TXN: variants seen among roughly 807,000 people sequenced by gnomAD.
The protein encoded by TXN is ADF.
In TXN, 10 loss-of-function variants were observed where a neutral mutation model predicts 16.5. The ratio of observed to expected loss-of-function variants is 0.61; its 90% CI spans 0.37 to 1.03. TXN has a LOEUF of 1.03. TXN is among the 50% of genes least tolerant of loss of function. The probability of loss-of-function intolerance (pLI) is 0.01; values close to 1 mark genes in which losing one functional copy is unlikely to be tolerated. For missense variants in TXN, 71 were observed against 122.5 expected, an observed-to-expected ratio of 0.58 and a Z score of 1.98; for synonymous variants, 35 against 39.4, an observed-to-expected ratio of 0.89 and a Z score of 0.42.
chr9:110,252,234 A>T (rs1399375370), intron 1 of TXN, among the ~76,000 whole-genome samples: 1 of 139,534 alleles, frequency 7.2e-6, no homozygotes, highest in African/African-American at 2.8e-5. Context: ...AAAAAAAAAA[A>T]AAAAAAAAAA....
rs377246017 is a variant in TXN, at chr9:110,252,223, C to CAAAAAAAAAAAA, written c.25-773_25-762dup. On this transcript the variant is annotated intron_variant, in intron 1 of 4. Coordinates refer to ENST00000374517, the MANE Select transcript of TXN (RefSeq NM_003329.4). ...TGGGCAATAGACGGAGACTCTGTCG[C>CAAAAAAAAAAAA]AAAAAAAAAAAAAAAAAAAAAAGCT... 4.7e-3 allele frequency among the ~76,000 whole-genome samples: 274 copies of CAAAAAAAAAAAA among 58,344 alleles called. 24 individuals carry two copies. Among genetic ancestry groups the CAAAAAAAAAAAA allele is most frequent in the African/African-American group, 0.022 (239 of 10,854 alleles). 38.3% of individuals were successfully genotyped at this position (58,344 alleles called of 152,430 possible). A position where few individuals can be genotyped will look rare whatever the true frequency, so the allele number is the denominator to read the frequency against.
At position 110,244,196 on chromosome 9, in the gene TXN, A is replaced by G. The variant is rs1179651914; in HGVS notation, c.279T>C (p.Asn93=). Residue 93 remains asparagine, a synonymous_variant, in exon 5 of 5, where the codon AAT becomes AAC. Transcript: ENST00000374517. ...TAATGGTGGCTTCAAGCTTTTCCTT[A>G]TTGGCTCCAGAAAATTCACCCACCT... The part of the protein sequence containing the change: ...GQKVGEFSGA[N]KEKLEATINE... 6.4e-7 allele frequency: 1 copy of G among 1,574,578 alleles called. No individual in the cohort carries two copies. Among genetic ancestry groups the G allele is most frequent in the African/African-American group, 1.4e-5 (1 of 73,250 alleles).
intron 1 of TXN, 63 bp from the exon 2 acceptor site, chr9:110,251,525 A>C (rs1837736562): frequency 5.7e-6 from 5 of 875,720 alleles, no homozygotes; most frequent in Non-Finnish European, 8.6e-6. Context: ...CAAAAGAAAG[A>C]CTCGACACAA....
rs71302631 is a variant in TXN, at chr9:110,249,125, C to CAAAAAAAAA, written c.189+1686_189+1694dup. 5.6e-4 allele frequency among the ~76,000 whole-genome samples: 30 copies of CAAAAAAAAA among 53,850 alleles called. 1 individual carries two copies. Among genetic ancestry groups the CAAAAAAAAA allele is most frequent in the African/African-American group, 1.2e-3 (17 of 14,498 alleles). The allele number at this position is 53,850 out of a possible 152,430, so 35.3% of individuals were successfully genotyped here. A position where few individuals can be genotyped will look rare whatever the true frequency, so the allele number is the denominator to read the frequency against. ...CCAGGTGACAGAGTGAACTCCATCT[C>CAAAAAAAAA]AAAAAAAAAAAAAAAAAAAAAAAAA... On this transcript the variant is annotated intron_variant, in intron 3 of 4. Transcript: ENST00000374517.
chr9:110,250,559 A>G (rs1837719842), intron 3 of TXN, among the ~76,000 whole-genome samples: 1 of 152,220 alleles, frequency 6.6e-6, no homozygotes, highest in African/African-American at 2.4e-5. Flanking sequence ...GTAAAGTAGA[A>G]TGTAGGGTTT....
rs770300484 is a variant in TXN at position 110,251,418 on chromosome 9, T to C, written c.69A>G (p.Val23=). ...EALDAAGDKL[V]VVDFSATWCG... is the part of the protein sequence containing the mutation. ...ACCACGTGGCTGAGAAGTCAACTAC[T>C]ACAAGTTTATCACCTGCAGCGTCCA... Residue 23 remains valine (V), a synonymous_variant, in exon 2 of 5, where the codon GTA becomes GTG. Coordinates refer to ENST00000374517, the MANE Select transcript of TXN (RefSeq NM_003329.4). The C allele has an allele frequency of 5.1e-5, 83 of 1,612,038 alleles. No homozygotes were observed. Among genetic ancestry groups the C allele is most frequent in the Admixed American group, 1.8e-4 (11 of 59,974 alleles).
chr9:110,252,184 A>C, intron 1 of TXN, among the ~76,000 whole-genome samples: 1 of 140,776 alleles, frequency 7.1e-6, no homozygotes, highest in Non-Finnish European at 1.5e-5. Flanking sequence ...AAATTGTGCC[A>C]CTGCACTCCA....
intron 3 of TXN, among the ~76,000 whole-genome samples, chr9:110,247,484 C>T (rs1401759525): frequency 1.3e-5 from 2 of 151,992 alleles, no homozygotes; most frequent in African/African-American, 4.8e-5. Context: ...TGTGGTGGTC[C>T]CATAAGATTA....
intron 3 of TXN, among the ~76,000 whole-genome samples, chr9:110,245,620 A>ACACAC (rs1837640424): frequency 5.2e-5 from 1 of 19,250 alleles, no homozygotes; most frequent in African/African-American, 2.3e-4. Context: ...CACACACACT[A>ACACAC]TATATATATA....
intron 3 of TXN, among the ~76,000 whole-genome samples, chr9:110,245,654 A>ATATTTTTTT (rs1232332404): frequency 9.2e-5 from 2 of 21,786 alleles, no homozygotes; most frequent in African/African-American, 4.0e-4. Flanking sequence ...ATATATATAT[A>ATATTTTTTT]TTTTTTTTTT....
chr9:110,244,559 T>C (rs1258435784), intron 4 of TXN, among the ~76,000 whole-genome samples: 1 of 152,188 alleles, frequency 6.6e-6, no homozygotes, highest in African/African-American at 2.4e-5. Flanking sequence ...TTCTATGTGC[T>C]TTATGATATA....
At chr9:110,245,602 T>TAC (rs1554766611) in intron 3 of TXN, among the ~76,000 whole-genome samples, 37 of 62,494 alleles carry the variant, frequency 5.9e-4, no homozygotes, top group African/African-American at 7.9e-4. Flanking sequence ...TGTATATATA[T>TAC]ACACACACAC....
At chr9:110,253,060 A>G (rs1425860786) in intron 1 of TXN, among the ~76,000 whole-genome samples, 2 of 152,176 alleles carry the variant, frequency 1.3e-5, no homozygotes, top group Non-Finnish European at 2.9e-5. Context: ...GGTTTAAAAA[A>G]AAATGAACAT....
Position 110,251,586 on chromosome 9 carries a change from CAAAAAAAAAAA to C in TXN, c.25-135_25-125del, listed in dbSNP as rs5899890. On this transcript the variant is annotated intron_variant, in intron 1 of 4. Coordinates refer to ENST00000374517, the MANE Select transcript of TXN (RefSeq NM_003329.4). Reference sequence around the variant, plus strand: ...CTCCTTTCAGGACCTACTTTTTAGCCAAAAAAAAAAAAAAAAAAAAAAAAAAATCCCCAAAC... The same window carrying C: ...CTCCTTTCAGGACCTACTTTTTAGCCAAAAAAAAAAAAAAAATCCCCAAAC... The C allele has an allele frequency of 4.4e-3, 250 of 56,320 alleles. 6 individuals carry two copies. The highest frequency in any genetic ancestry group is 0.011 in the African/African-American group (191 of 17,798). The allele number at this position is 56,320 out of a possible 1,614,324, so 3.5% of individuals were successfully genotyped here. A position where few individuals can be genotyped will look rare whatever the true frequency, so the allele number is the denominator to read the frequency against.
intron 3 of TXN, among the ~76,000 whole-genome samples, chr9:110,246,297 G>T (rs1837659377): frequency 6.6e-6 from 1 of 152,118 alleles, no homozygotes; most frequent in African/African-American, 2.4e-5. Context: ...TCCTAGAAGT[G>T]GCTGTTACCA....
At chr9:110,244,732 G>A (rs757806086) in intron 4 of TXN, 46 bp downstream of exon 4, 1 of 1,473,378 alleles carries the variant, frequency 6.8e-7, no homozygotes, top group Admixed American at 1.7e-5. Context: ...ACTTATACTG[G>A]GTTTCCTATT....
chr9:110,245,654 A>ATATATTTTTTTTT (rs1232332404), intron 3 of TXN, among the ~76,000 whole-genome samples: 3 of 21,786 alleles, frequency 1.4e-4, no homozygotes, highest in African/African-American at 5.9e-4. Flanking sequence ...ATATATATAT[A>ATATATTTTTTTTT]TTTTTTTTTT....
At position 110,245,320 on chromosome 9, in the gene TXN, A is replaced by C. The variant is rs369782953; in HGVS notation, c.190-477T>G. On this transcript the variant is annotated intron_variant, in intron 3 of 4. Transcript: ENST00000374517. ...GCAGAGTACACAGAATGATTATATAAAGGCTAAAAAGTCTAAAAAAATAAA... is the reference window on the plus strand; with the variant it reads ...GCAGAGTACACAGAATGATTATATACAGGCTAAAAAGTCTAAAAAAATAAA... Among the ~76,000 whole-genome samples the C allele has an allele frequency of 1.6e-4, 24 of 152,098 alleles. No homozygotes were observed. In the East Asian group the frequency reaches 4.5e-3, roughly 28 times the overall value.
At chr9:110,251,017 A>G in intron 2 of TXN, 138 bp from the exon 3 acceptor site, 1 of 654,526 alleles carries the variant, frequency 1.5e-6, no homozygotes, top group Admixed American at 3.3e-5. Context: ...TTGGAGACAT[A>G]GATCTAAGAG....
Sources: allele counts gnomAD v4.1 joint callset (sites outside exome capture counted in the v4.1 genomes callset), GRCh38; gene constraint gnomAD v4.1.1; transcripts MANE v1.5; gene names NCBI Gene and HGNC (gene_info 2026-07-23, HGNC 2026-07-21).